The following HDAC7 variants were observed in gnomAD, a reference collection of about 807,000 sequenced individuals.
The protein encoded by HDAC7 is histone deacetylase 7, also known as histone deacetylase 7A.
HDAC7 carries 26 observed loss-of-function variants against 115.5 expected under a neutral mutation model. The ratio of observed to expected loss-of-function variants is 0.23; its 90% CI spans 0.16 to 0.31. The LOEUF (loss-of-function observed/expected upper bound fraction) is 0.31, where lower values mean the gene tolerates loss of function less well. Among genes scored for constraint, HDAC7 ranks in the 10% least tolerant of loss-of-function variants. The pLI is 1.00. For missense variants in HDAC7, 1,068 were observed against 1,329.0 expected, an observed-to-expected ratio of 0.80 and a Z score of 3.05; for synonymous variants, 564 against 550.9, an observed-to-expected ratio of 1.02 and a Z score of -0.33.
intron 2 of HDAC7, among the ~76,000 whole-genome samples, chr12:47,801,505 C>T (rs1278058319): frequency 6.6e-6 from 1 of 152,146 alleles, no homozygotes; most frequent in African/African-American, 2.4e-5. Context: ...TGTGTGCTTC[C>T]TCCCTAACCT....
Position 47,797,248 on chromosome 12 carries a change from A to G in HDAC7, c.578-106T>C, listed in dbSNP as rs1943903730. The G allele has an allele frequency of 6.4e-7, 1 of 1,560,746 alleles. No homozygotes were observed. Among genetic ancestry groups the G allele is most frequent in the Non-Finnish European group, 8.7e-7 (1 of 1,146,032 alleles). On this transcript the variant is annotated intron_variant, in intron 6 of 25. Transcript: ENST00000080059. This position sits in a 1 kb window ranked among gnomAD's most constrained non-coding sequence, Gnocchi z 5.5. ...TATCGGTCAAGGAAAGAGAAGGCAGAACTAGAAAGAAGATCCTAGCCTACC... is the reference window on the plus strand; with the variant it reads ...TATCGGTCAAGGAAAGAGAAGGCAGGACTAGAAAGAAGATCCTAGCCTACC...
chr12:47,785,487 C>A lies in HDAC7; in HGVS notation c.2707-16G>T. 1 of 1,600,192 alleles carries A rather than the reference C, an allele frequency of 6.2e-7. No homozygotes were observed. Among genetic ancestry groups the A allele is most frequent in the Non-Finnish European group, 8.5e-7 (1 of 1,172,488 alleles). On this transcript the variant is annotated splice_polypyrimidine_tract_variant and intron_variant, in intron 23 of 25. Coordinates refer to ENST00000080059, the MANE Select transcript of HDAC7 (RefSeq NM_015401.5). ...GGGGATCCACCTATAGAAAACAGTACATCAGCCACCAGTCTCTCAGGGACC... is the reference window on the plus strand; with the variant it reads ...GGGGATCCACCTATAGAAAACAGTAAATCAGCCACCAGTCTCTCAGGGACC...
chr12:47,788,295 A>G, intron 19 of HDAC7, 131 bp from the exon 20 acceptor site: 1 of 1,205,578 alleles, frequency 8.3e-7, no homozygotes, highest in Non-Finnish European at 1.1e-6. Context: ...TGGGGTTCCT[A>G]AAGCCACACG....
At position 47,797,246 on chromosome 12, in the gene HDAC7, A is replaced by C. The variant is rs1943903578; in HGVS notation, c.578-104T>G. The stretch of plus-strand genomic sequence containing the variant: ...TCTATCGGTCAAGGAAAGAGAAGGC[A>C]GAACTAGAAAGAAGATCCTAGCCTA... On this transcript the variant is annotated intron_variant, in intron 6 of 25. Transcript: ENST00000080059. This position sits in a 1 kb window ranked among gnomAD's most constrained non-coding sequence, Gnocchi z 5.5. 1.9e-6 allele frequency: 3 copies of C among 1,556,912 alleles called. No individual in the cohort carries two copies. The highest frequency in any genetic ancestry group is 2.6e-6 in the Non-Finnish European group (3 of 1,143,704).
chr12:47,783,622 G>A lies in HDAC7; in HGVS notation c.*219C>T, dbSNP rs908977324. ...TCTCGAGAGCCCTGTGGGGGTCGCC[G>A]CCCAGCCCGTCTCCTCTCAGGGTCC... On this transcript the variant is annotated 3_prime_UTR_variant, in exon 26 of 26. Transcript: ENST00000080059. 11 of 588,566 alleles carry A rather than the reference G, an allele frequency of 1.9e-5. No homozygotes were observed. The Middle Eastern group carries it at 1.4e-3, about 73-fold the overall frequency. 36.5% of individuals were successfully genotyped at this position (588,566 alleles called of 1,614,324 possible).
chr12:47,792,882 T>TG, intron 13 of HDAC7: 1 of 361,014 alleles, frequency 2.8e-6, no homozygotes, highest in East Asian at 7.3e-5. Flanking sequence ...GTAGTTCATG[T>TG]GTTCATGGCA....
At chr12:47,784,702 A>G (rs1171431041) in intron 24 of HDAC7, 2 of 1,534,914 alleles carry the variant, frequency 1.3e-6, no homozygotes, top group Non-Finnish European at 1.7e-6. Context: ...GACCATCACC[A>G]CGGCCGCTCT....
intron 2 of HDAC7, 55 bp from the exon 3 acceptor site, chr12:47,799,027 G>A (rs1053880874): frequency 8.1e-7 from 1 of 1,228,082 alleles, no homozygotes; most frequent in African/African-American, 1.5e-5. Context: ...TCGGGGGCAT[G>A]ATACAGCCTG....
Position 47,798,284 on chromosome 12 carries a change from GC to G in HDAC7, c.350-66del. 1.6e-6 allele frequency: 2 copies of G among 1,248,350 alleles called. No individual in the cohort carries two copies. Among genetic ancestry groups the G allele is most frequent in the Non-Finnish European group, 2.3e-6 (2 of 851,908 alleles). The allele number at this position is 1,248,350 out of a possible 1,614,324, so 77.3% of individuals were successfully genotyped here. On this transcript the variant is annotated intron_variant, in intron 4 of 25. Coordinates refer to ENST00000080059, the MANE Select transcript of HDAC7 (RefSeq NM_015401.5). The surrounding 1 kb of genome is among the most constrained non-coding windows in gnomAD (Gnocchi z 4.3). ...ACAGGCGGCCTCGTGGCACTACCTG[GC>G]CACTGCCCTGTCCCCATCCTCAGTA...
At position 47,791,657 on chromosome 12, in the gene HDAC7, G is replaced by C; in HGVS notation, c.1862C>G (p.Ser621Cys). The C allele has an allele frequency of 1.2e-6, 2 of 1,613,660 alleles. No homozygotes were observed. Among genetic ancestry groups the C allele is most frequent in the Non-Finnish European group, 1.7e-6 (2 of 1,179,950 alleles). The change falls in exon 15 of 26, where the codon TCT becomes TGT. Residue 621 changes from serine (S) to cysteine (C), a missense_variant. By Grantham distance (112) the Ser-to-Cys change is moderately radical. Around this residue, in one of 6 missense-constraint regions of HDAC7, gnomAD observed 618 missense variants for 701.5 expected, o/e 0.88. Transcript: ENST00000080059. ...GCCGTAGAGGAGCACGTGCCGCTCA[G>C]AGTGGACCGACTGCAGCTCTTCCAG... Reference protein sequence around the residue: ...ASLEELQSVHSERHVLLYGTN... With the variant: ...ASLEELQSVHCERHVLLYGTN...
At chr12:47,799,852 G>A (rs1053633952) in intron 2 of HDAC7, among the ~76,000 whole-genome samples, 22 of 152,226 alleles carry the variant, frequency 1.4e-4, no homozygotes, top group African/African-American at 5.1e-4. Flanking sequence ...CTGGGAGACG[G>A]AGCTGTTGCA....
Position 47,793,267 on chromosome 12 carries a change from A to T in HDAC7, c.1678+102T>A. On this transcript the variant is annotated intron_variant, in intron 13 of 25. Coordinates refer to ENST00000080059, the MANE Select transcript of HDAC7 (RefSeq NM_015401.5). The surrounding 1 kb of genome is among the most constrained non-coding windows in gnomAD (Gnocchi z 4.5). Reference sequence around the variant, plus strand: ...CTACGTGGGCCTAACAAGGCTAAGCACTCTGTGGCCTCTAAAAATGTCCCA... The same window carrying T: ...CTACGTGGGCCTAACAAGGCTAAGCTCTCTGTGGCCTCTAAAAATGTCCCA... The T allele has an allele frequency of 1.1e-6, 1 of 873,574 alleles. No individual in the cohort carries two copies. The highest frequency in any genetic ancestry group is 1.7e-6 in the Non-Finnish European group (1 of 586,216). The allele number at this position is 873,574 out of a possible 1,614,324, so 54.1% of individuals were successfully genotyped here.
In HDAC7 at chr12:47,783,737, T is replaced by C; in HGVS notation, c.*104A>G. ...CAGGCTGTTCTCTGGTTCCAACTACTTGCCCACAGGATCTCTAAAGACCCA... is the reference window on the plus strand; with the variant it reads ...CAGGCTGTTCTCTGGTTCCAACTACCTGCCCACAGGATCTCTAAAGACCCA... On this transcript the variant is annotated 3_prime_UTR_variant, in exon 26 of 26. Transcript: ENST00000080059. 1 of 1,165,676 alleles carries C rather than the reference T, an allele frequency of 8.6e-7. No homozygotes were observed. The highest frequency in any genetic ancestry group is 1.3e-6 in the Non-Finnish European group (1 of 791,148). 72.2% of individuals were successfully genotyped at this position (1,165,676 alleles called of 1,614,324 possible). A position where few individuals can be genotyped will look rare whatever the true frequency, so the allele number is the denominator to read the frequency against.
chr12:47,808,405 T>TG (rs1565582802), intron 1 of HDAC7, among the ~76,000 whole-genome samples: 1 of 152,118 alleles, frequency 6.6e-6, no homozygotes, highest in African/African-American at 2.4e-5. Flanking sequence ...TTGAGCTCCC[T>TG]GGGGGTGGGA....
chr12:47,789,611 G>C, intron 17 of HDAC7, 33 bp from the exon 18 acceptor site: 1 of 1,611,458 alleles, frequency 6.2e-7, no homozygotes, highest in Non-Finnish European at 8.5e-7. Flanking sequence ...TCAATCAACA[G>C]ACAGCTCTGA....
In HDAC7 at chr12:47,799,200, A is replaced by G. The variant is rs553451798; in HGVS notation, c.71-228T>C. 1.8e-4 allele frequency: 83 copies of G among 472,312 alleles called. No homozygotes were observed. In the Middle Eastern group the frequency reaches 2.1e-3, roughly 12 times the overall value. The allele number at this position is 472,312 out of a possible 1,614,324, so 29.3% of individuals were successfully genotyped here. A position where few individuals can be genotyped will look rare whatever the true frequency, so the allele number is the denominator to read the frequency against. On this transcript the variant is annotated intron_variant, in intron 2 of 25. Transcript: ENST00000080059. ...GAACTGTGCACAGTAACACTGTATC[A>G]CTGGTGGTGTTTGAACGGAGTCTTC...
rs555821143 is a variant in HDAC7, at chr12:47,812,588, A to G, written c.19+7179T>C. On this transcript the variant is annotated intron_variant, in intron 1 of 25. Coordinates refer to ENST00000080059, the MANE Select transcript of HDAC7 (RefSeq NM_015401.5). ...AAAATGTGCCCATAATCACACTTGCAGGAGAAACCGAGACTCAGCCAAGGC... is the reference window on the plus strand; with the variant it reads ...AAAATGTGCCCATAATCACACTTGCGGGAGAAACCGAGACTCAGCCAAGGC... Among the ~76,000 whole-genome samples, 12 of 152,328 alleles carry G rather than the reference A, an allele frequency of 7.9e-5. 3 individuals are homozygous for G. The highest frequency in any genetic ancestry group is 2.9e-4 in the African/African-American group (12 of 41,590).
intron 1 of HDAC7, 29 bp downstream of exon 1, chr12:47,819,738 G>T: frequency 3.8e-6 from 3 of 785,044 alleles, no homozygotes; most frequent in Non-Finnish European, 4.7e-6. Context: ...CGCGCAGGGC[G>T]GGGCGGGGGG....
In HDAC7 at chr12:47,798,729, G is replaced by T; in HGVS notation, c.258+56C>A. The stretch of plus-strand genomic sequence containing the variant: ...CTGGTGTCTAGGGATGCTGAAGGCG[G>T]GGAGGCTGGGGACCAAGCTCAAGGT... On this transcript the variant is annotated intron_variant, in intron 3 of 25. Transcript: ENST00000080059. This position sits in a 1 kb window ranked among gnomAD's most constrained non-coding sequence, Gnocchi z 4.3. 6.4e-7 allele frequency: 1 copy of T among 1,558,166 alleles called. No individual in the cohort carries two copies. The highest frequency in any genetic ancestry group is 1.2e-5 in the South Asian group (1 of 84,994).
Sources: allele counts gnomAD v4.1 joint callset (sites outside exome capture counted in the v4.1 genomes callset), GRCh38; gene constraint gnomAD v4.1.1; regional missense constraint gnomAD v4.1.1; non-coding constraint Gnocchi (gnomAD v3.1); transcripts MANE v1.5; gene names NCBI Gene and HGNC (gene_info 2026-07-23, HGNC 2026-07-21).